The following STAG1 variants were observed in gnomAD, a reference collection of about 807,000 sequenced individuals.
The protein encoded by STAG1 is cohesin subunit SA-1.
Under a neutral mutation model 170.9 loss-of-function variants are expected in STAG1, and 26 were observed. The observed-to-expected ratio is 0.15, with a 90% CI of 0.11 to 0.21. The LOEUF is 0.21. Among genes scored for constraint, STAG1 ranks in the 10% least tolerant of loss-of-function variants. STAG1 has a pLI of 1.00. For synonymous variants in STAG1, 514 were observed against 497.7 expected, an observed-to-expected ratio of 1.03 and a Z score of -0.44; for missense variants, 964 against 1,509.5, an observed-to-expected ratio of 0.64 and a Z score of 5.99.
At position 136,343,987 on chromosome 3, in the gene STAG1, T is replaced by A. The variant is rs771799087; in HGVS notation, c.3291A>T (p.Thr1097=). 5 of 1,590,174 alleles carry A rather than the reference T, an allele frequency of 3.1e-6. No individual in the cohort carries two copies. Among genetic ancestry groups the A allele is most frequent in the Non-Finnish European group, 4.3e-6 (5 of 1,171,688 alleles). Residue 1097 remains threonine (T), a synonymous_variant, in exon 30 of 34, where the codon ACA becomes ACT. Coordinates refer to ENST00000383202, the MANE Select transcript of STAG1 (RefSeq NM_005862.3). ...KRVEDESLDN[T]WLNRTDTMIQ... is the part of the protein sequence containing the mutation. ...TCATGGTGTCAGTCCTGTTTAGCCA[T>A]GTGTTATCCAGACTCTCATCTGTAA...
intron 1 of STAG1, chr3:136,736,701 T>A: frequency 6.2e-7 from 1 of 1,603,270 alleles, no homozygotes; most frequent in South Asian, 1.1e-5. Flanking sequence ...CCTTTCAGCA[T>A]CTCTTTGGCT....
intron 1 of STAG1, among the ~76,000 whole-genome samples, chr3:136,717,975 T>C (rs924342078): frequency 2.6e-5 from 4 of 152,096 alleles, no homozygotes; most frequent in Non-Finnish European, 5.9e-5. Context: ...TGTTATAATC[T>C]TTTTCTGATA....
At chr3:136,461,203 T>C (rs954767247) in intron 13 of STAG1, among the ~76,000 whole-genome samples, 2 of 152,104 alleles carry the variant, frequency 1.3e-5, no homozygotes, top group African/African-American at 4.8e-5. Context: ...AGTCCACATA[T>C]GACAAACCCA....
intron 1 of STAG1, among the ~76,000 whole-genome samples, chr3:136,743,417 C>T (rs906143646): frequency 1.3e-5 from 2 of 151,552 alleles, no homozygotes; most frequent in African/African-American, 4.8e-5. Flanking sequence ...GAAGAGATAT[C>T]ACTACAGATC....
chr3:136,610,763 A>ACTCTT (rs1407124004), intron 3 of STAG1, among the ~76,000 whole-genome samples: 3 of 151,994 alleles, frequency 2.0e-5, no homozygotes, highest in Non-Finnish European at 4.4e-5. Context: ...AAACACATTT[A>ACTCTT]CTCTTTGTTC....
chr3:136,626,243 T>C (rs773320886), intron 2 of STAG1, among the ~76,000 whole-genome samples: 5 of 151,942 alleles, frequency 3.3e-5, no homozygotes, highest in South Asian at 4.1e-4. Flanking sequence ...CTGGCCAACA[T>C]AGTGAAACCC....
At chr3:136,424,916 C>T (rs989171829) in intron 16 of STAG1, among the ~76,000 whole-genome samples, 3 of 152,000 alleles carry the variant, frequency 2.0e-5, no homozygotes, top group East Asian at 1.9e-4. Context: ...CTCGGCTCAC[C>T]GCAACCTCTG....
At chr3:136,728,721 CAAAA>C (rs1360521961) in intron 1 of STAG1, among the ~76,000 whole-genome samples, 1 of 152,094 alleles carries the variant, frequency 6.6e-6, no homozygotes, top group African/African-American at 2.4e-5. Context: ...ATAGCACAAA[CAAAA>C]AAATTTCCAT....
At chr3:136,459,195 C>T (rs764208576) in intron 13 of STAG1, among the ~76,000 whole-genome samples, 6 of 143,402 alleles carry the variant, frequency 4.2e-5, no homozygotes, top group East Asian at 2.1e-4. Context: ...TCCAGCCTGG[C>T]GACAGAGCGA....
chr3:136,599,817 CTT>C (rs1257162798), intron 4 of STAG1, among the ~76,000 whole-genome samples: 2 of 152,210 alleles, frequency 1.3e-5, no homozygotes, highest in Admixed American at 1.3e-4. Flanking sequence ...TGTTCCATAT[CTT>C]GTTTCATCTT....
intron 26 of STAG1, among the ~76,000 whole-genome samples, chr3:136,362,852 T>C (rs1936928138): frequency 6.6e-6 from 1 of 151,878 alleles, no homozygotes; most frequent in South Asian, 2.1e-4. Flanking sequence ...ATTTATTGAA[T>C]AGTCCCAATC....
intron 22 of STAG1, among the ~76,000 whole-genome samples, chr3:136,378,431 G>A (rs1937732371): frequency 6.6e-6 from 1 of 152,224 alleles, no homozygotes; most frequent in African/African-American, 2.4e-5. Context: ...AGTGGCTCAT[G>A]CCTGCAATCC....
At chr3:136,525,116 A>T (rs1432307953) in intron 6 of STAG1, among the ~76,000 whole-genome samples, 1 of 152,174 alleles carries the variant, frequency 6.6e-6, no homozygotes, top group African/African-American at 2.4e-5. Flanking sequence ...TTATAAAATG[A>T]GTTAGAGAGG....
intron 12 of STAG1, 67 bp downstream of exon 12, chr3:136,472,346 A>AT: frequency 8.6e-7 from 1 of 1,169,544 alleles, no homozygotes; most frequent in Non-Finnish European, 1.3e-6. Flanking sequence ...TAGATAGGAC[A>AT]TTAAAAATCC....
At chr3:136,605,521 A>G (rs1297767058) in intron 3 of STAG1, among the ~76,000 whole-genome samples, 1 of 152,178 alleles carries the variant, frequency 6.6e-6, no homozygotes, top group Non-Finnish European at 1.5e-5. Flanking sequence ...CTTAACAGAC[A>G]AGACTTTTTT....
intron 3 of STAG1, among the ~76,000 whole-genome samples, chr3:136,613,376 C>T (rs1023981460): frequency 1.4e-5 from 2 of 145,706 alleles, no homozygotes; most frequent in Non-Finnish European, 3.0e-5. Flanking sequence ...TCCCAGGAAA[C>T]TGATATTGTC....
intron 22 of STAG1, among the ~76,000 whole-genome samples, chr3:136,383,148 GGGTGTTACATCAA>G (rs1405168095): frequency 1.3e-5 from 2 of 152,140 alleles, no homozygotes; most frequent in Non-Finnish European, 2.9e-5. Flanking sequence ...TACATTTTCA[GGGTGTTACATCAA>G]GATTTTGAAA....
chr3:136,741,242 A>T (rs1934653484), intron 1 of STAG1, among the ~76,000 whole-genome samples: 1 of 152,244 alleles, frequency 6.6e-6, no homozygotes, highest in Admixed American at 6.5e-5. Flanking sequence ...ACTGGAGCTC[A>T]GAAATCTGAT....
At chr3:136,633,952 T>TTTTTTTAA (rs1559921436) in intron 1 of STAG1, among the ~76,000 whole-genome samples, 1 of 92,606 alleles carries the variant, frequency 1.1e-5, no homozygotes, top group East Asian at 4.2e-4. Context: ...GGTGAAACCC[T>TTTTTTTAA]GTCTCTACTT....
Sources: allele counts gnomAD v4.1 joint callset (sites outside exome capture counted in the v4.1 genomes callset), GRCh38; gene constraint gnomAD v4.1.1; transcripts MANE v1.5; gene names NCBI Gene and HGNC (gene_info 2026-07-23, HGNC 2026-07-21).